RNF13: variants seen among roughly 807,000 people sequenced by gnomAD.
The protein encoded by RNF13 is E3 ubiquitin-protein ligase RNF13.
Under a neutral mutation model 37.7 loss-of-function variants are expected in RNF13, and 19 were observed. The observed-to-expected ratio is 0.50, with a 90% CI of 0.35 to 0.74. The LOEUF (loss-of-function observed/expected upper bound fraction) is 0.74. Ranked by LOEUF, RNF13 falls within the 30% of genes least tolerant of loss-of-function variation. The pLI, the probability that RNF13 is intolerant of heterozygous loss-of-function variation, is 0.01. For synonymous variants in RNF13, 144 were observed against 157.8 expected (o/e 0.91, Z 0.65); for missense variants, 375 against 453.0 (o/e 0.83, Z 1.56).
chr3:149,879,307 ATT>A (rs3028508), intron 4 of RNF13, among the ~76,000 whole-genome samples: 7 of 137,382 alleles, frequency 5.1e-5, no homozygotes, highest in Non-Finnish European at 6.2e-5. Context: ...TTATCAGGTA[ATT>A]TTTTTTTTTT....
intron 1 of RNF13, among the ~76,000 whole-genome samples, chr3:149,835,779 G>C (rs551903308): frequency 6.6e-6 from 1 of 151,876 alleles, no homozygotes; most frequent in Non-Finnish European, 1.5e-5. Flanking sequence ...TGTTATAAAC[G>C]TGTGTGCAAA....
At chr3:149,904,005 CATCT>C (rs1270040638) in intron 6 of RNF13, among the ~76,000 whole-genome samples, 2 of 152,102 alleles carry the variant, frequency 1.3e-5, no homozygotes, top group South Asian at 2.1e-4. Context: ...CTATACCTAT[CATCT>C]ATCTATTTAT....
At chr3:149,948,440 G>A (rs1720991318) in intron 8 of RNF13, among the ~76,000 whole-genome samples, 1 of 151,966 alleles carries the variant, frequency 6.6e-6, no homozygotes, top group African/African-American at 2.4e-5. Context: ...TCCTCTCACT[G>A]TGTTTTTTGT....
intron 8 of RNF13, among the ~76,000 whole-genome samples, chr3:149,931,045 G>A (rs568031687): frequency 4.7e-4 from 72 of 151,790 alleles, no homozygotes; most frequent in African/African-American, 1.7e-3. Context: ...TTTTTTGGTT[G>A]TGTGTGTGTT....
chr3:149,895,519 A>G lies in RNF13; in HGVS notation c.368A>G (p.Asn123Ser), dbSNP rs780598817. Reference sequence around the variant, plus strand: ...GGATACAAGGCAGCCATAGTTCACAATGTTGATTCTGATGACCTCATTAGC... The same window carrying G: ...GGATACAAGGCAGCCATAGTTCACAGTGTTGATTCTGATGACCTCATTAGC... ...RAGYKAAIVHNVDSDDLISMG... is the reference protein window; with the variant it reads ...RAGYKAAIVHSVDSDDLISMG... Residue 123 changes from asparagine to serine, a missense_variant, in exon 5 of 10, where the codon AAT becomes AGT. By Grantham distance (46) the Asn-to-Ser change is conservative (BLOSUM62 1). Coordinates refer to ENST00000392894, the MANE Select transcript of RNF13 (RefSeq NM_183381.3). The G allele has an allele frequency of 3.1e-6, 5 of 1,609,828 alleles. No individual in the cohort carries two copies. Among genetic ancestry groups the G allele is most frequent in the East Asian group, 2.2e-5 (1 of 44,652 alleles).
intron 8 of RNF13, among the ~76,000 whole-genome samples, chr3:149,950,685 A>G (rs1013719573): frequency 3.3e-5 from 5 of 151,066 alleles, no homozygotes; most frequent in Non-Finnish European, 1.5e-5. Flanking sequence ...TATGTTGCCC[A>G]GGCTGGTCTT....
chr3:149,950,215 C>T (rs1278314945), intron 8 of RNF13, among the ~76,000 whole-genome samples: 1 of 152,156 alleles, frequency 6.6e-6, no homozygotes, highest in South Asian at 2.1e-4. Context: ...CACTAGCACC[C>T]TCAGAATATT....
At chr3:149,897,304 C>T (rs186370408) in intron 5 of RNF13, among the ~76,000 whole-genome samples, 21 of 152,306 alleles carry the variant, frequency 1.4e-4, no homozygotes, top group Admixed American at 1.3e-3. Flanking sequence ...CCTTCAGGAC[C>T]TTCTCAAGGG....
intron 3 of RNF13, among the ~76,000 whole-genome samples, chr3:149,871,072 C>A (rs1283383255): frequency 7.8e-6 from 1 of 128,306 alleles, no homozygotes; most frequent in Non-Finnish European, 1.6e-5. Flanking sequence ...GACGGAGTTT[C>A]GCTCTATCGC....
chr3:149,889,773 A>G (rs1364138759), intron 4 of RNF13, among the ~76,000 whole-genome samples: 20 of 149,746 alleles, frequency 1.3e-4, no homozygotes, highest in African/African-American at 4.7e-4. Context: ...TCCTGCCTCA[A>G]CCTCCTGAGT....
chr3:149,914,284 C>G lies in RNF13; in HGVS notation c.606+2201C>G, dbSNP rs1453559759. ...TATATTTTTCTTGTCCCAGCCCTAG[C>G]ATCAGACCTTTTCCCAGGGAGTCAT... is the stretch of plus-strand genomic sequence containing the variant. On this transcript the variant is annotated intron_variant, in intron 7 of 9. Transcript: ENST00000392894. Among the ~76,000 whole-genome samples the G allele has an allele frequency of 3.3e-5, 5 of 151,988 alleles. No individual in the cohort carries two copies. In the East Asian group the frequency reaches 9.6e-4, roughly 29 times the overall value.
chr3:149,859,662 ATTC>A (rs1018108269), intron 3 of RNF13, among the ~76,000 whole-genome samples: 73 of 152,220 alleles, frequency 4.8e-4, no homozygotes, highest in African/African-American at 1.8e-3. Context: ...CTAATTTTTT[ATTC>A]TTCTGCTCAT....
chr3:149,825,935 C>T (rs1296233520), intron 1 of RNF13, among the ~76,000 whole-genome samples: 1 of 152,178 alleles, frequency 6.6e-6, no homozygotes, highest in East Asian at 1.9e-4. Flanking sequence ...TGGAATCCCT[C>T]TCTCCTGCCC....
intron 4 of RNF13, among the ~76,000 whole-genome samples, chr3:149,877,258 G>T (rs577589740): frequency 6.6e-6 from 1 of 152,156 alleles, no homozygotes; most frequent in South Asian, 2.1e-4. Context: ...ATAATAAAAT[G>T]TGAATAGATT....
At chr3:149,949,824 G>T (rs1421326709) in intron 8 of RNF13, among the ~76,000 whole-genome samples, 2 of 150,038 alleles carry the variant, frequency 1.3e-5, no homozygotes, top group Non-Finnish European at 3.0e-5. Context: ...CTGGATCTGT[G>T]GTGGGGTGTC....
intron 4 of RNF13, among the ~76,000 whole-genome samples, chr3:149,889,702 T>G (rs1293536179): frequency 1.3e-5 from 2 of 149,734 alleles, no homozygotes; most frequent in Non-Finnish European, 3.0e-5. Flanking sequence ...TCGCCCAGGC[T>G]GGAGTGTAGT....
chr3:149,856,754 C>T (rs1723692859), intron 3 of RNF13, among the ~76,000 whole-genome samples: 1 of 151,608 alleles, frequency 6.6e-6, no homozygotes, highest in South Asian at 2.1e-4. Context: ...AAATATCTTA[C>T]TTTTTTTATT....
chr3:149,833,732 A>G (rs913050989), intron 1 of RNF13, among the ~76,000 whole-genome samples: 4 of 152,202 alleles, frequency 2.6e-5, no homozygotes, highest in Admixed American at 1.3e-4. Context: ...TGCCATTTCT[A>G]TTTATCTTGG....
intron 2 of RNF13, among the ~76,000 whole-genome samples, chr3:149,848,922 C>G (rs1286506329): frequency 6.6e-6 from 1 of 152,066 alleles, no homozygotes; most frequent in Non-Finnish European, 1.5e-5. Flanking sequence ...AGGACTGTGT[C>G]TTACTAAACT....
Sources: gnomAD v4.1 joint callset for allele counts (sites outside exome capture counted in the v4.1 genomes callset) on GRCh38, gnomAD v4.1.1 for gene constraint, MANE v1.5 for transcripts, NCBI Gene and HGNC (gene_info 2026-07-23, HGNC 2026-07-21) for gene names.